The following SPIDR variants were observed in gnomAD, a reference collection of about 807,000 sequenced individuals.
SPIDR encodes scaffold protein involved in DNA repair.
Under a neutral mutation model 104.6 loss-of-function variants are expected in SPIDR, and 93 were observed. The observed-to-expected ratio is 0.89, with a 90% CI of 0.75 to 1.06. The LOEUF is 1.06. SPIDR is among the 50% of genes least tolerant of loss of function. The probability of loss-of-function intolerance (pLI) is 0.00; values close to 1 mark genes in which losing one functional copy is unlikely to be tolerated. For synonymous variants in SPIDR, 431 were observed against 416.9 expected, an observed-to-expected ratio of 1.03 and a Z score of -0.41; for missense variants, 1,154 against 1,111.2, an observed-to-expected ratio of 1.04 and a Z score of -0.55.
In SPIDR at chr8:47,473,633, T is replaced by A. The variant is rs138096721; in HGVS notation, c.1097+33091T>A. ...TCCACACGCGTCTATTTTAGCACAT[T>A]CAATAGGATCTGTGGTTGTATTTCT... On this transcript the variant is annotated intron_variant, in intron 8 of 19. Transcript: ENST00000297423. Among the ~76,000 whole-genome samples the A allele has an allele frequency of 5.8e-3, 889 of 152,296 alleles. 34 individuals carry two copies. Among genetic ancestry groups the A allele is most frequent in the Non-Finnish European group, 1.4e-3 (94 of 68,038 alleles).
intron 10 of SPIDR, among the ~76,000 whole-genome samples, chr8:47,614,520 C>T (rs2064025202): frequency 6.6e-6 from 1 of 152,206 alleles, no homozygotes; most frequent in Non-Finnish European, 1.5e-5. Flanking sequence ...CCACGCCCAG[C>T]CGATCTTGTT....
At chr8:47,385,975 A>C (rs1489323418) in intron 5 of SPIDR, among the ~76,000 whole-genome samples, 1 of 151,964 alleles carries the variant, frequency 6.6e-6, no homozygotes, top group Non-Finnish European at 1.5e-5. Context: ...ATGTATCCAT[A>C]TTTTGTTTTA....
chr8:47,686,056 A>AG (rs2077770822), intron 11 of SPIDR, among the ~76,000 whole-genome samples: 1 of 152,212 alleles, frequency 6.6e-6, no homozygotes, highest in African/African-American at 2.4e-5. Context: ...GGGAAGGGGA[A>AG]GCTTATAAAA....
At chr8:47,646,584 A>G (rs920794550) in intron 10 of SPIDR, among the ~76,000 whole-genome samples, 1 of 152,220 alleles carries the variant, frequency 6.6e-6, no homozygotes, top group East Asian at 1.9e-4. Flanking sequence ...CTATATGGCT[A>G]CAAGAAGAAT....
At position 47,281,438 on chromosome 8, in the gene SPIDR, A is replaced by G. The variant is rs1388389453; in HGVS notation, c.189+1421A>G. Among the ~76,000 whole-genome samples, 6 of 152,338 alleles carry G rather than the reference A, an allele frequency of 3.9e-5. 1 individual carries two copies. Among genetic ancestry groups the G allele is most frequent in the South Asian group, 4.1e-4 (2 of 4,832 alleles). On this transcript the variant is annotated intron_variant, in intron 2 of 19. Coordinates refer to ENST00000297423, the MANE Select transcript of SPIDR (RefSeq NM_001080394.4). ...AGAACTTCTTTCAAAATTGGACTCAATCCTTCCAAAGCCTGACACTGCTTT... is the reference window on the plus strand; with the variant it reads ...AGAACTTCTTTCAAAATTGGACTCAGTCCTTCCAAAGCCTGACACTGCTTT...
chr8:47,301,426 A>C (rs1251107031), intron 5 of SPIDR, among the ~76,000 whole-genome samples: 1 of 151,996 alleles, frequency 6.6e-6, no homozygotes, highest in Non-Finnish European at 1.5e-5. Context: ...TTTTTATTGG[A>C]GCATTTAGCC....
chr8:47,542,045 T>C (rs2088276263), intron 8 of SPIDR, among the ~76,000 whole-genome samples: 1 of 152,134 alleles, frequency 6.6e-6, no homozygotes, highest in South Asian at 2.1e-4. Flanking sequence ...GTCAAATCAG[T>C]TAAACACATG....
At chr8:47,493,525 T>G (rs2079038252) in intron 8 of SPIDR, among the ~76,000 whole-genome samples, 1 of 152,204 alleles carries the variant, frequency 6.6e-6, no homozygotes, top group African/African-American at 2.4e-5. Flanking sequence ...ATTTTTAAAT[T>G]TTTAAAGCCT....
At chr8:47,491,470 C>CTATA (rs151328501) in intron 8 of SPIDR, among the ~76,000 whole-genome samples, 28 of 146,416 alleles carry the variant, frequency 1.9e-4, no homozygotes, top group African/African-American at 2.2e-4. Flanking sequence ...GTGACCACAA[C>CTATA]TATATATATA....
chr8:47,675,646 A>G (rs1265501962), intron 11 of SPIDR, among the ~76,000 whole-genome samples: 2 of 152,032 alleles, frequency 1.3e-5, no homozygotes, highest in African/African-American at 4.8e-5. Flanking sequence ...CCCTATCTCT[A>G]CTAAAAATAA....
At chr8:47,413,695 G>T (rs2063830041) in intron 7 of SPIDR, among the ~76,000 whole-genome samples, 1 of 152,178 alleles carries the variant, frequency 6.6e-6, no homozygotes. Context: ...CCTTCAACAT[G>T]ATCCTCATTG....
intron 6 of SPIDR, among the ~76,000 whole-genome samples, chr8:47,398,530 A>AGC (rs2061493914): frequency 6.6e-6 from 1 of 152,220 alleles, no homozygotes; most frequent in Non-Finnish European, 1.5e-5. Context: ...GAGATGCCTC[A>AGC]TTGAGCAGCT....
chr8:47,705,918 A>T (rs2081022802), intron 14 of SPIDR, among the ~76,000 whole-genome samples: 1 of 151,756 alleles, frequency 6.6e-6, no homozygotes, highest in African/African-American at 2.4e-5. Context: ...AAAAAAGCAG[A>T]TTCAGTTGTA....
chr8:47,531,823 A>G (rs1028178200), intron 8 of SPIDR, among the ~76,000 whole-genome samples: 1 of 152,218 alleles, frequency 6.6e-6, no homozygotes, highest in Non-Finnish European at 1.5e-5. Context: ...TCTGCCATTT[A>G]CTGAACCACC....
At chr8:47,341,057 G>C (rs936510743) in intron 5 of SPIDR, among the ~76,000 whole-genome samples, 1 of 152,212 alleles carries the variant, frequency 6.6e-6, no homozygotes, top group African/African-American at 2.4e-5. Flanking sequence ...GTCAGCTTGG[G>C]GGGGATGCCC....
chr8:47,279,605 A>G (rs1490419282), intron 1 of SPIDR, among the ~76,000 whole-genome samples: 2 of 152,082 alleles, frequency 1.3e-5, no homozygotes, highest in African/African-American at 2.4e-5. Context: ...AGGTACTGAT[A>G]CCATGCCAGA....
In SPIDR at chr8:47,574,984, T is replaced by G. The variant is rs2058912665; in HGVS notation, c.1098-20827T>G. 3.9e-5 allele frequency among the ~76,000 whole-genome samples: 6 copies of G among 152,308 alleles called. No homozygotes were observed. The South Asian group carries it at 1.2e-3, about 32-fold the overall frequency. On this transcript the variant is annotated intron_variant, in intron 8 of 19. Transcript: ENST00000297423. ...TGATGTTTCTTGATTTTTTTTTAAC[T>G]TTGTCAGCATTTTCAGTTCAACTAG...
At chr8:47,380,337 T>C (rs2059177997) in intron 5 of SPIDR, among the ~76,000 whole-genome samples, 1 of 152,122 alleles carries the variant, frequency 6.6e-6, no homozygotes, top group Non-Finnish European at 1.5e-5. Context: ...ATTCCACAGG[T>C]GTACACTATT....
chr8:47,679,106 G>A (rs1442137978), intron 11 of SPIDR, among the ~76,000 whole-genome samples: 2 of 152,194 alleles, frequency 1.3e-5, no homozygotes, highest in Non-Finnish European at 2.9e-5. Context: ...CCACCAGGGT[G>A]CCCTCTGGCA....
Sources: gnomAD v4.1 joint callset for allele counts (sites outside exome capture counted in the v4.1 genomes callset) on GRCh38, gnomAD v4.1.1 for gene constraint, MANE v1.5 for transcripts, NCBI Gene and HGNC (gene_info 2026-07-23, HGNC 2026-07-21) for gene names.